The following ANO3 variants were observed in gnomAD, a reference collection of about 807,000 sequenced individuals.
ANO3 encodes anoctamin 3.
In ANO3, 99 loss-of-function variants were observed where a neutral mutation model predicts 144.8. That is an observed-to-expected ratio of 0.68 (90% CI 0.58 to 0.81). The LOEUF is 0.81. Among genes scored for constraint, ANO3 ranks in the 30% least tolerant of loss-of-function variants. ANO3 has a pLI of 0.00. For synonymous variants in ANO3, 414 were observed against 392.6 expected, an observed-to-expected ratio of 1.05 and a Z score of -0.64; for missense variants, 905 against 1,202.2, an observed-to-expected ratio of 0.75 and a Z score of 3.66.
intron 1 of ANO3, among the ~76,000 whole-genome samples, chr11:26,298,526 G>T (rs531332001): frequency 1.1e-3 from 174 of 152,250 alleles, no homozygotes; most frequent in African/African-American, 4.2e-3. Flanking sequence ...TGTAGAGCTC[G>T]TTTTCAAATA....
intron 1 of ANO3, among the ~76,000 whole-genome samples, chr11:26,325,191 T>A (rs1245794932): frequency 6.6e-6 from 1 of 152,220 alleles, no homozygotes; most frequent in African/African-American, 2.4e-5. Flanking sequence ...TTAGGGCTTA[T>A]GTCACCAGTT....
intron 20 of ANO3, among the ~76,000 whole-genome samples, chr11:26,636,900 A>G (rs1188263106): frequency 2.6e-5 from 4 of 152,240 alleles, no homozygotes; most frequent in African/African-American, 4.8e-5. Flanking sequence ...TATCATCTGC[A>G]GAGTGAAGAT....
At chr11:26,293,551 A>ATG (rs1250224176) in intron 1 of ANO3, among the ~76,000 whole-genome samples, 3 of 132,306 alleles carry the variant, frequency 2.3e-5, no homozygotes, top group African/African-American at 9.1e-5. Flanking sequence ...ATATATATAT[A>ATG]TATATATATA....
At position 26,349,937 on chromosome 11, in the gene ANO3, C is replaced by G. The variant is rs562588364; in HGVS notation, c.46+17616C>G. Among the ~76,000 whole-genome samples the G allele has an allele frequency of 5.3e-5, 8 of 152,264 alleles. 1 individual carries two copies. Among genetic ancestry groups the G allele is most frequent in the Admixed American group, 5.2e-4 (8 of 15,300 alleles). On this transcript the variant is annotated intron_variant, in intron 1 of 26. Transcript: ENST00000256737. ...CCTTGACAGTAGCAGAAACTGAAGGCTGAGTACAGTGACCTCCTTGCATGG... is the reference window on the plus strand; with the variant it reads ...CCTTGACAGTAGCAGAAACTGAAGGGTGAGTACAGTGACCTCCTTGCATGG...
chr11:26,366,665 C>T (rs1208950814), intron 1 of ANO3, among the ~76,000 whole-genome samples: 1 of 152,006 alleles, frequency 6.6e-6, no homozygotes, highest in Non-Finnish European at 1.5e-5. Context: ...TTAATGATTG[C>T]CATTCTAACT....
intron 2 of ANO3, 52 bp from the exon 3 acceptor site, chr11:26,443,713 T>G: frequency 9.0e-7 from 1 of 1,106,474 alleles, no homozygotes; most frequent in South Asian, 1.5e-5. Flanking sequence ...GTTATTTTTC[T>G]GTTGTTATGC....
At chr11:26,562,453 A>T (rs1217769617) in intron 14 of ANO3, among the ~76,000 whole-genome samples, 2 of 151,952 alleles carry the variant, frequency 1.3e-5, no homozygotes, top group African/African-American at 4.8e-5. Context: ...ATAAAACTGC[A>T]GATGAACCAA....
intron 4 of ANO3, among the ~76,000 whole-genome samples, chr11:26,506,474 T>A (rs974027166): frequency 6.6e-6 from 1 of 152,222 alleles, no homozygotes; most frequent in Admixed American, 6.5e-5. Context: ...AAGTATTTGA[T>A]AAGTGATAGC....
intron 4 of ANO3, among the ~76,000 whole-genome samples, chr11:26,504,408 G>A (rs117758073): frequency 0.01 from 1,594 of 152,032 alleles, 19 homozygotes; most frequent in Middle Eastern, 0.048. Flanking sequence ...AATGTGTCTG[G>A]CTGTGGACTA....
chr11:26,315,993 C>T (rs1342746078), intron 1 of ANO3, among the ~76,000 whole-genome samples: 2 of 152,120 alleles, frequency 1.3e-5, no homozygotes, highest in East Asian at 3.9e-4. Flanking sequence ...CCTATCCTCT[C>T]CACTGGGGTT....
chr11:26,650,907 G>A (rs1853511159), intron 24 of ANO3, among the ~76,000 whole-genome samples: 1 of 152,118 alleles, frequency 6.6e-6, no homozygotes, highest in Non-Finnish European at 1.5e-5. Flanking sequence ...TGGATACTTA[G>A]CAGTCTTTTA....
intron 1 of ANO3, among the ~76,000 whole-genome samples, chr11:26,269,402 C>G (rs915109550): frequency 1.3e-5 from 2 of 152,200 alleles, no homozygotes; most frequent in Non-Finnish European, 2.9e-5. Context: ...GCTTCTCCCC[C>G]TCTTACTTTT....
At chr11:26,291,904 G>A (rs1853967817) in intron 1 of ANO3, among the ~76,000 whole-genome samples, 1 of 152,044 alleles carries the variant, frequency 6.6e-6, no homozygotes, top group Admixed American at 6.6e-5. Context: ...TGCTCTTCTT[G>A]AGGAGTATCT....
intron 1 of ANO3, among the ~76,000 whole-genome samples, chr11:26,374,547 C>A (rs1481166024): frequency 6.6e-6 from 1 of 152,104 alleles, no homozygotes; most frequent in African/African-American, 2.4e-5. Context: ...TAGTAATAAT[C>A]ATTTGCCATT....
intron 23 of ANO3, 86 bp from the exon 24 acceptor site, chr11:26,647,623 T>C: frequency 7.5e-7 from 1 of 1,335,284 alleles, no homozygotes; most frequent in Non-Finnish European, 1.0e-6. Context: ...CCAACATAAG[T>C]AAAACATTAT....
At chr11:26,420,868 T>G (rs1374210037) in intron 1 of ANO3, among the ~76,000 whole-genome samples, 2 of 152,056 alleles carry the variant, frequency 1.3e-5, no homozygotes, top group Non-Finnish European at 2.9e-5. Flanking sequence ...TGGGCATTAT[T>G]TTTTTCTTTT....
At chr11:26,303,658 C>T (rs1271252452) in intron 1 of ANO3, among the ~76,000 whole-genome samples, 1 of 152,126 alleles carries the variant, frequency 6.6e-6, no homozygotes, top group African/African-American at 2.4e-5. Flanking sequence ...TGCAATATAC[C>T]CATGTAACAA....
intron 1 of ANO3, among the ~76,000 whole-genome samples, chr11:26,198,640 T>C (rs900291760): frequency 6.6e-6 from 1 of 152,158 alleles, no homozygotes; most frequent in Non-Finnish European, 1.5e-5. Context: ...GTCAGTTTAT[T>C]TTTTGCCATC....
At chr11:26,542,345 CAT>C (rs1849668270) in intron 11 of ANO3, among the ~76,000 whole-genome samples, 1 of 151,992 alleles carries the variant, frequency 6.6e-6, no homozygotes, top group Non-Finnish European at 1.5e-5. Context: ...GGAATAAAAA[CAT>C]ATTACCAGAG....
Sources: allele counts gnomAD v4.1 joint callset (sites outside exome capture counted in the v4.1 genomes callset), GRCh38; gene constraint gnomAD v4.1.1; transcripts MANE v1.5; gene names NCBI Gene and HGNC (gene_info 2026-07-23, HGNC 2026-07-21).